The following FADS1 variants were observed in gnomAD, a reference collection of about 807,000 sequenced individuals.
The protein encoded by FADS1 is fatty acid desaturase 1, also known as acyl-CoA (8-3)-desaturase.
In FADS1, 17 loss-of-function variants were observed where a neutral mutation model predicts 61.6. The ratio of observed to expected loss-of-function variants is 0.28; its 90% CI spans 0.19 to 0.41. The LOEUF (loss-of-function observed/expected upper bound fraction) is 0.41, where lower values mean the gene tolerates loss of function less well. FADS1 is among the 10% of genes least tolerant of loss of function. The probability of loss-of-function intolerance (pLI) is 1.00; values close to 1 mark genes in which losing one functional copy is unlikely to be tolerated. For synonymous variants in FADS1, 238 were observed against 258.7 expected, an observed-to-expected ratio of 0.92 and a Z score of 0.77; for missense variants, 387 against 650.9, an observed-to-expected ratio of 0.59 and a Z score of 4.41.
rs755346350 is a variant in FADS1 at position 61,810,737 on chromosome 11, A to T, written c.915+14T>A. The T allele has an allele frequency of 1.2e-6, 2 of 1,614,008 alleles. No individual in the cohort carries two copies. Among genetic ancestry groups the T allele is most frequent in the South Asian group, 1.1e-5 (1 of 91,064 alleles). The stretch of plus-strand genomic sequence containing the variant: ...CCTATTCCCCAAGACCTTTCCACTG[A>T]TACCTCCACGCACCTCCACAGAGAG... On this transcript the variant is annotated intron_variant, in intron 5 of 11. Coordinates refer to ENST00000350997, the MANE Select transcript of FADS1 (RefSeq NM_013402.7).
Position 61,816,099 on chromosome 11 carries a change from C to A in FADS1, c.375+456G>T, listed in dbSNP as rs2066979231. 1.6e-6 allele frequency: 1 copy of A among 635,982 alleles called. No individual in the cohort carries two copies. Among genetic ancestry groups the A allele is most frequent in the East Asian group, 2.8e-5 (1 of 36,150 alleles). The allele number at this position is 635,982 out of a possible 1,614,324, so 39.4% of individuals were successfully genotyped here. Reference sequence around the variant, plus strand: ...TCCGCTCCTGCTGGCGAGTGGAGACCGGCACCTAGGTCCAGACGCGGCTGC... The same window carrying A: ...TCCGCTCCTGCTGGCGAGTGGAGACAGGCACCTAGGTCCAGACGCGGCTGC... On this transcript the variant is annotated intron_variant, in intron 1 of 11. Transcript: ENST00000350997. The surrounding 1 kb of genome is among the most constrained non-coding windows in gnomAD (Gnocchi z 7.0).
chr11:61,813,187 CCT>C lies in FADS1; in HGVS notation c.486+54_486+55del, dbSNP rs772657041. 100 of 1,047,670 alleles carry C rather than the reference CCT, an allele frequency of 9.5e-5. 1 individual carries two copies. The highest frequency in any genetic ancestry group is 6.1e-4 in the Middle Eastern group (3 of 4,938). 64.9% of individuals were successfully genotyped at this position (1,047,670 alleles called of 1,614,324 possible). ...TCCCATCTAGACTCTCCTTCCACCC[CCT>C]CTCTGTCCCCCTCAACAACCAATAG... On this transcript the variant is annotated intron_variant, in intron 2 of 11. Coordinates refer to ENST00000350997, the MANE Select transcript of FADS1 (RefSeq NM_013402.7).
chr11:61,813,793 G>A (rs1488565160), intron 1 of FADS1, among the ~76,000 whole-genome samples: 2 of 151,864 alleles, frequency 1.3e-5, no homozygotes, highest in African/African-American at 2.4e-5. Context: ...GTGAAACCCC[G>A]TCTCTACTAA....
chr11:61,808,060 G>T (rs2135937195), intron 5 of FADS1, among the ~76,000 whole-genome samples: 1 of 152,318 alleles, frequency 6.6e-6, no homozygotes, highest in South Asian at 2.1e-4. Context: ...CAGAGACCGG[G>T]TGCAGTGGCT....
Position 61,816,186 on chromosome 11 carries a change from C to T in FADS1, c.375+369G>A. 1 of 1,436,168 alleles carries T rather than the reference C, an allele frequency of 7.0e-7. No homozygotes were observed. The highest frequency in any genetic ancestry group is 9.4e-7 in the Non-Finnish European group (1 of 1,059,336). The allele number at this position is 1,436,168 out of a possible 1,614,324, so 89.0% of individuals were successfully genotyped here. The stretch of plus-strand genomic sequence containing the variant: ...CCTCCCCTGGCCACTGACCCCCTCC[C>T]TCCCCAGGCGGCCTGCATCCTTGCT... On this transcript the variant is annotated intron_variant, in intron 1 of 11. Coordinates refer to ENST00000350997, the MANE Select transcript of FADS1 (RefSeq NM_013402.7). The surrounding 1 kb of genome is among the most constrained non-coding windows in gnomAD (Gnocchi z 7.0).
chr11:61,802,234 TGG>T lies in FADS1; in HGVS notation c.*175_*176del. 1 of 621,000 alleles carries T rather than the reference TGG, an allele frequency of 1.6e-6. No individual in the cohort carries two copies. Among genetic ancestry groups the T allele is most frequent in the Non-Finnish European group, 2.9e-6 (1 of 347,098 alleles). 38.5% of individuals were successfully genotyped at this position (621,000 alleles called of 1,614,324 possible). On this transcript the variant is annotated 3_prime_UTR_variant, in exon 12 of 12. Transcript: ENST00000350997. This position sits in a 1 kb window ranked among gnomAD's most constrained non-coding sequence, Gnocchi z 4.2. ...GGACTTCTGTGTCCACCCCCCACTT[TGG>T]GTCTTAGAACTGTGGCTAGAAGATA...
At position 61,807,643 on chromosome 11, in the gene FADS1, C is replaced by T. The variant is rs374778539; in HGVS notation, c.916-919G>A. Among the ~76,000 whole-genome samples the T allele has an allele frequency of 3.3e-5, 5 of 152,338 alleles. No homozygotes were observed. The East Asian group carries it at 9.6e-4, about 29-fold the overall frequency. On this transcript the variant is annotated intron_variant, in intron 5 of 11. Transcript: ENST00000350997. The stretch of plus-strand genomic sequence containing the variant: ...TTTATAAGCCGAGCTGCTGAAGAGA[C>T]AGGCTGGGGCCACCATGTCAACCAG...
Position 61,800,705 on chromosome 11 carries a change from C to T in FADS1, c.*1706G>A, listed in dbSNP as rs1229493587. 6.6e-6 allele frequency: 1 copy of T among 152,410 alleles called. No individual in the cohort carries two copies. The highest frequency in any genetic ancestry group is 1.5e-5 in the Non-Finnish European group (1 of 68,046). 9.4% of individuals were successfully genotyped at this position (152,410 alleles called of 1,614,324 possible). Reference sequence around the variant, plus strand: ...TTTCCTCCTAGTTTGAGGTTCTCTTCTCCCAGTGTCTAAAATGATCAATAT... The same window carrying T: ...TTTCCTCCTAGTTTGAGGTTCTCTTTTCCCAGTGTCTAAAATGATCAATAT... On this transcript the variant is annotated 3_prime_UTR_variant, in exon 12 of 12. Transcript: ENST00000350997.
At position 61,816,414 on chromosome 11, in the gene FADS1, C is replaced by T; in HGVS notation, c.375+141G>A. ...ATCCCGCATCCGCAGGACACCCAAT[C>T]ACCGGGCAACAGGTATGATCAGGCG... On this transcript the variant is annotated intron_variant, in intron 1 of 11. Transcript: ENST00000350997. The surrounding 1 kb of genome is among the most constrained non-coding windows in gnomAD (Gnocchi z 7.0). The T allele has an allele frequency of 6.3e-7, 1 of 1,598,734 alleles. No individual in the cohort carries two copies. The highest frequency in any genetic ancestry group is 1.7e-5 in the Admixed American group (1 of 60,024).
rs964509278 is a variant in FADS1, at chr11:61,802,714, G to C, written c.1454+87C>G. On this transcript the variant is annotated intron_variant, in intron 11 of 11. Coordinates refer to ENST00000350997, the MANE Select transcript of FADS1 (RefSeq NM_013402.7). This position sits in a 1 kb window ranked among gnomAD's most constrained non-coding sequence, Gnocchi z 4.2. ...TCCCACACGACTGGGAACACCTTCT[G>C]TTCACTCCCCACCCTACATGTCATC... is the stretch of plus-strand genomic sequence containing the variant. The C allele has an allele frequency of 6.4e-7, 1 of 1,574,240 alleles. No homozygotes were observed. The highest frequency in any genetic ancestry group is 1.3e-5 in the African/African-American group (1 of 74,332).
chr11:61,812,143 T>A (rs574711919), intron 3 of FADS1, among the ~76,000 whole-genome samples: 5 of 152,194 alleles, frequency 3.3e-5, no homozygotes, highest in African/African-American at 4.8e-5. Context: ...TTGGGCAATG[T>A]CAGTGGTGGG....
Position 61,800,670 on chromosome 11 carries a change from G to A in FADS1, c.*1741C>T, listed in dbSNP as rs1328259248. ...CCATCCCCTCCCAAAACTAAGTGGA[G>A]GCTCTGTCTTTTCCTCCTAGTTTGA... On this transcript the variant is annotated 3_prime_UTR_variant, in exon 12 of 12. Transcript: ENST00000350997. 1 of 152,490 alleles carries A rather than the reference G, an allele frequency of 6.6e-6. No individual in the cohort carries two copies. Among genetic ancestry groups the A allele is most frequent in the East Asian group, 1.9e-4 (1 of 5,336 alleles). The allele number at this position is 152,490 out of a possible 1,614,324, so 9.4% of individuals were successfully genotyped here.
At position 61,811,007 on chromosome 11, in the gene FADS1, A is replaced by G. The variant is rs751579042; in HGVS notation, c.753T>C (p.His251=). Residue 251 remains histidine (H), a synonymous_variant, in exon 4 of 12, where the codon CAT becomes CAC. Coordinates refer to ENST00000350997, the MANE Select transcript of FADS1 (RefSeq NM_013402.7). ...GGCCAATCACAAAATGATGTAGCAGATGGTTCCACTTTGAGGTGCTGAAGA... is the reference window on the plus strand; with the variant it reads ...GGCCAATCACAAAATGATGTAGCAGGTGGTTCCACTTTGAGGTGCTGAAGA... The part of the protein sequence containing the change: ...LSVFSTSKWN[H]LLHHFVIGHL... 1.4e-5 allele frequency: 23 copies of G among 1,613,992 alleles called. No homozygotes were observed. Among genetic ancestry groups the G allele is most frequent in the Non-Finnish European group, 1.9e-5 (23 of 1,180,018 alleles).
Position 61,803,593 on chromosome 11 carries a change from A to G in FADS1, c.1151+77T>C. 2.1e-6 allele frequency: 3 copies of G among 1,405,550 alleles called. No individual in the cohort carries two copies. The East Asian group carries it at 6.8e-5, about 32-fold the overall frequency. The allele number at this position is 1,405,550 out of a possible 1,614,324, so 87.1% of individuals were successfully genotyped here. Reference sequence around the variant, plus strand: ...AACACCCACTGTTACCCAAAGCCCCAGCACGGCCCCTAGACCAGACTGGTC... The same window carrying G: ...AACACCCACTGTTACCCAAAGCCCCGGCACGGCCCCTAGACCAGACTGGTC... On this transcript the variant is annotated intron_variant, in intron 8 of 11. Coordinates refer to ENST00000350997, the MANE Select transcript of FADS1 (RefSeq NM_013402.7). This position sits in a 1 kb window ranked among gnomAD's most constrained non-coding sequence, Gnocchi z 4.3.
In FADS1 at chr11:61,802,253, T is replaced by TAGA; in HGVS notation, c.*155_*157dup. 1 of 684,118 alleles carries TAGA rather than the reference T, an allele frequency of 1.5e-6. No homozygotes were observed. Among genetic ancestry groups the TAGA allele is most frequent in the Non-Finnish European group, 2.6e-6 (1 of 388,058 alleles). The allele number at this position is 684,118 out of a possible 1,614,324, so 42.4% of individuals were successfully genotyped here. A position where few individuals can be genotyped will look rare whatever the true frequency, so the allele number is the denominator to read the frequency against. On this transcript the variant is annotated 3_prime_UTR_variant, in exon 12 of 12. Transcript: ENST00000350997. This position sits in a 1 kb window ranked among gnomAD's most constrained non-coding sequence, Gnocchi z 4.2. ...CCACTTTGGGTCTTAGAACTGTGGCTAGAAGATAAAAGGGAGGAGTTTGAG... is the reference window on the plus strand; with the variant it reads ...CCACTTTGGGTCTTAGAACTGTGGCTAGAAGAAGATAAAAGGGAGGAGTTTGAG...
Position 61,816,190 on chromosome 11 carries a change from C to T in FADS1, c.375+365G>A, listed in dbSNP as rs2066980683. 2.9e-5 allele frequency: 43 copies of T among 1,464,148 alleles called. No individual in the cohort carries two copies. The South Asian group carries it at 5.4e-4, about 18-fold the overall frequency. The allele number at this position is 1,464,148 out of a possible 1,614,324, so 90.7% of individuals were successfully genotyped here. ...CCCTGGCCACTGACCCCCTCCCTCCCCAGGCGGCCTGCATCCTTGCTCTCC... is the reference window on the plus strand; with the variant it reads ...CCCTGGCCACTGACCCCCTCCCTCCTCAGGCGGCCTGCATCCTTGCTCTCC... On this transcript the variant is annotated intron_variant, in intron 1 of 11. Transcript: ENST00000350997. This position sits in a 1 kb window ranked among gnomAD's most constrained non-coding sequence, Gnocchi z 7.0.
intron 5 of FADS1, among the ~76,000 whole-genome samples, chr11:61,807,262 T>A (rs954553176): frequency 4.6e-5 from 7 of 152,186 alleles, no homozygotes; most frequent in African/African-American, 1.7e-4. Context: ...GAGATGGGGT[T>A]TCTCCATGTT....
chr11:61,810,905 T>A (rs748948182), intron 4 of FADS1, 26 bp from the exon 5 acceptor site: 8 of 1,614,160 alleles, frequency 5.0e-6, no homozygotes, highest in Non-Finnish European at 8.5e-7. Context: ...GACACGAGTA[T>A]GAAAAGCTTC....
At position 61,815,094 on chromosome 11, in the gene FADS1, G is replaced by A. The variant is rs906432421; in HGVS notation, c.375+1461C>T. ...GCTACTTTGGGTTGTGCAAGGTAAG[G>A]TCCATGGCGATAAGATTCACGTTGG... On this transcript the variant is annotated intron_variant, in intron 1 of 11. Transcript: ENST00000350997. This position sits in a 1 kb window ranked among gnomAD's most constrained non-coding sequence, Gnocchi z 6.4. 6.3e-6 allele frequency: 1 copy of A among 158,446 alleles called. No homozygotes were observed. Among genetic ancestry groups the A allele is most frequent in the African/African-American group, 2.4e-5 (1 of 41,544 alleles). The allele number at this position is 158,446 out of a possible 1,614,324, so 9.8% of individuals were successfully genotyped here.
Sources: gnomAD v4.1 joint callset for allele counts (sites outside exome capture counted in the v4.1 genomes callset) on GRCh38, gnomAD v4.1.1 for gene constraint, Gnocchi (gnomAD v3.1) non-coding constraint, MANE v1.5 for transcripts, NCBI Gene and HGNC (gene_info 2026-07-23, HGNC 2026-07-21) for gene names.